MRRF: variants seen among roughly 807,000 people sequenced by gnomAD.
The protein encoded by MRRF is ribosome-recycling factor, mitochondrial.
A neutral mutation model predicts 25.1 loss-of-function variants in MRRF; 18 were observed. The ratio of observed to expected loss-of-function variants is 0.72; its 90% confidence interval spans 0.50 to 1.06. The LOEUF is 1.06. MRRF is among the 50% of genes least tolerant of loss of function. MRRF has a pLI of 0.00. For missense variants in MRRF, 323 were observed against 319.3 expected (o/e 1.01, Z -0.09); for synonymous variants, 113 against 112.1 (o/e 1.01, Z -0.05).
intron 5 of MRRF, among the ~76,000 whole-genome samples, chr9:122,309,100 C>T (rs1319447927): frequency 6.6e-6 from 1 of 152,148 alleles, no homozygotes; most frequent in African/African-American, 2.4e-5. Context: ...ATGAATTTGG[C>T]AGCTCTTAAG....
chr9:122,301,609 A>G (rs1048197690), intron 5 of MRRF, among the ~76,000 whole-genome samples: 7 of 152,312 alleles, frequency 4.6e-5, no homozygotes, highest in African/African-American at 1.7e-4. Context: ...GGACAGCAGT[A>G]TAGGTCTGAC....
At chr9:122,285,371 C>T (rs1833331792) in intron 4 of MRRF, 84 bp downstream of exon 4, 1 of 863,088 alleles carries the variant, frequency 1.2e-6, no homozygotes, top group African/African-American at 1.6e-5. Flanking sequence ...AGTGTTCCTT[C>T]AGCTTAGGAT....
intron 3 of MRRF, among the ~76,000 whole-genome samples, chr9:122,284,578 T>C (rs1413003118): frequency 1.3e-5 from 2 of 152,178 alleles, no homozygotes; most frequent in African/African-American, 4.8e-5. Context: ...ATCAGCTGTT[T>C]CCAGTTTTAG....
At chr9:122,311,194 C>G (rs530971236) in intron 5 of MRRF, among the ~76,000 whole-genome samples, 123 of 152,294 alleles carry the variant, frequency 8.1e-4, no homozygotes, top group Non-Finnish European at 1.5e-3. Flanking sequence ...CCTAGTCTGT[C>G]TGACTTCAAA....
rs1836020939 is a variant in MRRF at position 122,323,761 on chromosome 9, A to G, written c.*1144A>G. ...TAAGAGATGTGTATTATCTTCATTT[A>G]CAAATAGGAAAACTAAGTCTTGACA... is the stretch of plus-strand genomic sequence containing the variant. On this transcript the variant is annotated 3_prime_UTR_variant, in exon 7 of 7. Transcript: ENST00000344641. The G allele has an allele frequency of 6.6e-6, 1 of 152,206 alleles. No homozygotes were observed. Among genetic ancestry groups the G allele is most frequent in the Non-Finnish European group, 1.5e-5 (1 of 68,042 alleles). 9.4% of individuals were successfully genotyped at this position (152,206 alleles called of 1,614,324 possible). A position where few individuals can be genotyped will look rare whatever the true frequency, so the allele number is the denominator to read the frequency against.
intron 1 of MRRF, among the ~76,000 whole-genome samples, chr9:122,268,491 A>G (rs942927504): frequency 5.9e-5 from 9 of 152,242 alleles, no homozygotes; most frequent in Admixed American, 2.0e-4. Context: ...AAACCTAGAT[A>G]TAGAAACTTC....
chr9:122,307,425 C>G (rs887342390), intron 5 of MRRF, among the ~76,000 whole-genome samples: 2 of 152,210 alleles, frequency 1.3e-5, no homozygotes, highest in Admixed American at 1.3e-4. Context: ...TTCTGTTTCT[C>G]TCTGCTCACT....
chr9:122,272,037 T>C (rs1832493688), intron 2 of MRRF, among the ~76,000 whole-genome samples: 1 of 152,262 alleles, frequency 6.6e-6, no homozygotes, highest in African/African-American at 2.4e-5. Context: ...GTAATAACCT[T>C]TGATCTGTAT....
At position 122,322,813 on chromosome 9, in the gene MRRF, G is replaced by A. The variant is rs528789953; in HGVS notation, c.*196G>A. On this transcript the variant is annotated 3_prime_UTR_variant, in exon 7 of 7. Transcript: ENST00000344641. ...CTCTTCCTGCTTCTGCTCTGGGCCGGTGGGTGGCTCTCAGAAAATACTTGC... is the reference window on the plus strand; with the variant it reads ...CTCTTCCTGCTTCTGCTCTGGGCCGATGGGTGGCTCTCAGAAAATACTTGC... 9 of 645,208 alleles carry A rather than the reference G, an allele frequency of 1.4e-5. No individual in the cohort carries two copies. The highest frequency in any genetic ancestry group is 8.8e-5 in the South Asian group (5 of 56,654). 40.0% of individuals were successfully genotyped at this position (645,208 alleles called of 1,614,324 possible).
intron 5 of MRRF, among the ~76,000 whole-genome samples, chr9:122,302,242 G>C (rs1323608660): frequency 6.6e-6 from 1 of 152,150 alleles, no homozygotes; most frequent in Non-Finnish European, 1.5e-5. Context: ...TTTTAGTACT[G>C]TATAGTCATA....
intron 5 of MRRF, among the ~76,000 whole-genome samples, chr9:122,302,197 A>G (rs1834515236): frequency 6.6e-6 from 1 of 152,236 alleles, no homozygotes; most frequent in African/African-American, 2.4e-5. Context: ...TCATTGAAAT[A>G]TAATTCACCC....
intron 2 of MRRF, among the ~76,000 whole-genome samples, chr9:122,273,250 C>T (rs1001646043): frequency 1.3e-5 from 2 of 151,900 alleles, no homozygotes; most frequent in Non-Finnish European, 2.9e-5. Context: ...TCAGGAGTTC[C>T]GACCAGCCTG....
chr9:122,292,706 T>A (rs1411869903), intron 5 of MRRF, among the ~76,000 whole-genome samples: 1 of 152,082 alleles, frequency 6.6e-6, no homozygotes, highest in Non-Finnish European at 1.5e-5. Flanking sequence ...AATGACCTGA[T>A]CTGATGTTGA....
intron 5 of MRRF, among the ~76,000 whole-genome samples, chr9:122,309,790 A>G (rs939987965): frequency 1.5e-4 from 23 of 152,218 alleles, no homozygotes; most frequent in Admixed American, 3.9e-4. Flanking sequence ...GAATGAAGCT[A>G]TAGATTGAAT....
At chr9:122,298,459 A>G (rs1284827260) in intron 5 of MRRF, among the ~76,000 whole-genome samples, 2 of 152,200 alleles carry the variant, frequency 1.3e-5, no homozygotes, top group Non-Finnish European at 2.9e-5. Flanking sequence ...TTTGACAGAT[A>G]TATGTGTCCC....
intron 4 of MRRF, among the ~76,000 whole-genome samples, chr9:122,287,723 A>G (rs1833500231): frequency 6.6e-6 from 1 of 152,184 alleles, no homozygotes; most frequent in African/African-American, 2.4e-5. Flanking sequence ...CATCTTTGCC[A>G]TTTGTTCAAG....
intron 6 of MRRF, among the ~76,000 whole-genome samples, chr9:122,314,446 A>G (rs1835390744): frequency 6.6e-6 from 1 of 152,222 alleles, no homozygotes; most frequent in Non-Finnish European, 1.5e-5. Context: ...AAGGAAATAT[A>G]TATATTTATG....
chr9:122,324,904 C>A lies in MRRF; in HGVS notation c.*2287C>A, dbSNP rs141382311. The A allele has an allele frequency of 2.0e-5, 3 of 152,222 alleles. No homozygotes were observed. Among genetic ancestry groups the A allele is most frequent in the Non-Finnish European group, 4.4e-5 (3 of 68,054 alleles). 9.4% of individuals were successfully genotyped at this position (152,222 alleles called of 1,614,324 possible). ...ATCCACCAGCCCTAAGTGGTCATCA[C>A]ATGATCAGAAGTCAGCTGGGGGAAG... On this transcript the variant is annotated 3_prime_UTR_variant, in exon 7 of 7. Coordinates refer to ENST00000344641, the MANE Select transcript of MRRF (RefSeq NM_138777.5).
chr9:122,290,773 A>C (rs1833711574), intron 4 of MRRF, among the ~76,000 whole-genome samples: 1 of 152,142 alleles, frequency 6.6e-6, no homozygotes, highest in South Asian at 2.1e-4. Context: ...GATTGCATAC[A>C]AGGTATAGTT....
Sources: gnomAD v4.1 joint callset for allele counts (sites outside exome capture counted in the v4.1 genomes callset) on GRCh38, gnomAD v4.1.1 for gene constraint, MANE v1.5 for transcripts, NCBI Gene and HGNC (gene_info 2026-07-23, HGNC 2026-07-21) for gene names.